The following CNTN6 variants were observed in gnomAD, a reference collection of about 807,000 sequenced individuals.
CNTN6 encodes the protein contactin-6.
Under a neutral mutation model 122.8 loss-of-function variants are expected in CNTN6, and 137 were observed. The ratio of observed to expected loss-of-function variants is 1.12; its 90% CI spans 0.97 to 1.29. The LOEUF (loss-of-function observed/expected upper bound fraction) is 1.29. Ranked by LOEUF, CNTN6 falls within the 50% of genes most tolerant of loss-of-function variation. The pLI is 0.00. For missense variants in CNTN6, 1,634 were observed against 1,223.4 expected (o/e 1.34, Z -5.01); for synonymous variants, 570 against 426.0 (o/e 1.34, Z -4.16).
chr3:1,345,212 G>T (rs901926594), intron 11 of CNTN6, among the ~76,000 whole-genome samples: 11 of 151,822 alleles, frequency 7.2e-5, no homozygotes, highest in Non-Finnish European at 1.5e-5. Context: ...CACCTCCCGG[G>T]CTCAAGTGAT....
rs1354849320 is a variant in CNTN6, at chr3:1,385,653, AAAATT to A, written c.2562_2566del (p.Ile855SerfsTer16). 6.2e-7 allele frequency: 1 copy of A among 1,613,964 alleles called. No individual in the cohort carries two copies. Among genetic ancestry groups the A allele is most frequent in the Non-Finnish European group, 8.5e-7 (1 of 1,179,946 alleles). ...TGACTCCAAAGAATCCATGATAGGT[AAAATT>A]AGAGTCAGTGGAAATGTCACAACCA... is the stretch of plus-strand genomic sequence containing the variant. On this transcript the variant is annotated frameshift_variant, in exon 20 of 23. Coordinates refer to ENST00000446702, the MANE Select transcript of CNTN6 (RefSeq NM_001289080.2). LOFTEE classifies it high-confidence loss of function.
Position 1,197,391 on chromosome 3 carries a change from G to A in CNTN6, c.56-23296G>A, listed in dbSNP as rs2093793064. 2.0e-5 allele frequency among the ~76,000 whole-genome samples: 3 copies of A among 152,304 alleles called. No homozygotes were observed. In the South Asian group the frequency reaches 6.2e-4, roughly 32 times the overall value. ...ATTGTAAGCACAGCCCTGAAAACTT[G>A]CTAATCGGCCTTTGTGATTTGCCAG... On this transcript the variant is annotated intron_variant, in intron 2 of 22. Transcript: ENST00000446702.
In CNTN6 at chr3:1,344,494, T is replaced by A. The variant is rs748904195; in HGVS notation, c.1365-7830T>A. 2.6e-5 allele frequency among the ~76,000 whole-genome samples: 4 copies of A among 152,098 alleles called. No individual in the cohort carries two copies. In the East Asian group the frequency reaches 7.7e-4, roughly 29 times the overall value. On this transcript the variant is annotated intron_variant, in intron 11 of 22. Transcript: ENST00000446702. ...AACTGAGAGAACCTAAAAGATTTCA[T>A]AAGGTGTGTCTGAAACACTGGGAAT...
chr3:1,294,480 C>T (rs1285887043), intron 5 of CNTN6, among the ~76,000 whole-genome samples: 1 of 152,116 alleles, frequency 6.6e-6, no homozygotes, highest in Non-Finnish European at 1.5e-5. Flanking sequence ...AAATCTTCCT[C>T]ATTTTACTTG....
chr3:1,110,610 G>A (rs2091436489), intron 1 of CNTN6, among the ~76,000 whole-genome samples: 1 of 152,056 alleles, frequency 6.6e-6, no homozygotes, highest in Non-Finnish European at 1.5e-5. Context: ...ATGTTGTAAT[G>A]GGTTTGCTAA....
At chr3:1,202,579 T>G (rs1366478883) in intron 2 of CNTN6, among the ~76,000 whole-genome samples, 1 of 127,952 alleles carries the variant, frequency 7.8e-6, no homozygotes, top group African/African-American at 2.9e-5. Flanking sequence ...AATAAATAAA[T>G]AAATAAATAC....
intron 7 of CNTN6, among the ~76,000 whole-genome samples, chr3:1,311,606 C>A (rs1699330825): frequency 6.7e-6 from 1 of 149,014 alleles, no homozygotes; most frequent in African/African-American, 2.4e-5. Context: ...TTGAAAAAGT[C>A]AGATATACTC....
chr3:1,158,745 TATATATATAC>T (rs1559420893), intron 2 of CNTN6, among the ~76,000 whole-genome samples: 1 of 144,002 alleles, frequency 6.9e-6, no homozygotes, highest in African/African-American at 2.5e-5. Flanking sequence ...GCTAATTTTA[TATATATATAC>T]ATATATATAC....
At chr3:1,285,450 T>C (rs925787468) in intron 5 of CNTN6, among the ~76,000 whole-genome samples, 1 of 152,124 alleles carries the variant, frequency 6.6e-6, no homozygotes, top group Non-Finnish European at 1.5e-5. Flanking sequence ...GATTATATGT[T>C]TAGGGCAAAA....
At chr3:1,161,248 T>TTA (rs1036422300) in intron 2 of CNTN6, among the ~76,000 whole-genome samples, 5 of 101,690 alleles carry the variant, frequency 4.9e-5, no homozygotes, top group East Asian at 8.3e-4. Context: ...TGATATATGA[T>TTA]TATATATATA....
At position 1,384,748 on chromosome 3, in the gene CNTN6, CACATATATAT is replaced by C. The variant is rs1197925743; in HGVS notation, c.2518-849_2518-840del. ...ATACACACATATATATACATATATA[CACATATATAT>C]ACATATATATACACATATATATATA... On this transcript the variant is annotated intron_variant, in intron 19 of 22. Transcript: ENST00000446702. Among the ~76,000 whole-genome samples the C allele has an allele frequency of 1.4e-3, 123 of 87,066 alleles. 1 individual carries two copies. The highest frequency in any genetic ancestry group is 6.6e-3 in the African/African-American group (93 of 14,042). The allele number at this position is 87,066 out of a possible 152,430, so 57.1% of individuals were successfully genotyped here.
chr3:1,133,794 A>G (rs576057976), intron 1 of CNTN6, among the ~76,000 whole-genome samples: 1 of 152,284 alleles, frequency 6.6e-6, no homozygotes, highest in Non-Finnish European at 1.5e-5. Flanking sequence ...GCAGGGAAAA[A>G]GGATTACTGT....
intron 2 of CNTN6, among the ~76,000 whole-genome samples, chr3:1,171,002 TA>T (rs999703214): frequency 3.9e-5 from 6 of 152,090 alleles, no homozygotes; most frequent in African/African-American, 1.2e-4. Flanking sequence ...GTGACTGGGG[TA>T]GGGGTAGTGC....
intron 5 of CNTN6, among the ~76,000 whole-genome samples, chr3:1,280,216 T>C (rs1476751886): frequency 6.6e-6 from 1 of 152,138 alleles, no homozygotes; most frequent in Non-Finnish European, 1.5e-5. Context: ...CAGTTCCATA[T>C]GTAAAAAAAT....
chr3:1,150,350 G>A (rs1370290651), intron 2 of CNTN6, among the ~76,000 whole-genome samples: 1 of 151,994 alleles, frequency 6.6e-6, no homozygotes, highest in Non-Finnish European at 1.5e-5. Context: ...CTTTTTCCTT[G>A]CTATTTGAAT....
intron 2 of CNTN6, among the ~76,000 whole-genome samples, chr3:1,171,644 GTT>G (rs1054482737): frequency 6.6e-6 from 1 of 152,116 alleles, no homozygotes; most frequent in African/African-American, 2.4e-5. Flanking sequence ...GTCTCACTCT[GTT>G]GCCCAGGCTG....
chr3:1,350,107 A>C (rs1705392586), intron 11 of CNTN6, among the ~76,000 whole-genome samples: 1 of 151,872 alleles, frequency 6.6e-6, no homozygotes. Flanking sequence ...TAAAGAAAAA[A>C]TTTTCAGATT....
chr3:1,263,339 T>C (rs1423119915), intron 4 of CNTN6, among the ~76,000 whole-genome samples: 2 of 152,206 alleles, frequency 1.3e-5, no homozygotes, highest in East Asian at 1.9e-4. Flanking sequence ...GCTTTCCATC[T>C]GTTTGAGGGT....
At chr3:1,322,889 C>T (rs1387184072) in intron 8 of CNTN6, among the ~76,000 whole-genome samples, 3 of 151,462 alleles carry the variant, frequency 2.0e-5, no homozygotes, top group African/African-American at 7.3e-5. Flanking sequence ...TATTTTTTTT[C>T]AGTAGTACCT....
Sources: gnomAD v4.1 joint callset for allele counts (sites outside exome capture counted in the v4.1 genomes callset) on GRCh38, gnomAD v4.1.1 for gene constraint, MANE v1.5 for transcripts, NCBI Gene and HGNC (gene_info 2026-07-23, HGNC 2026-07-21) for gene names.